Variants in ENTREP2 observed in about 807,000 individuals in gnomAD.
ENTREP2 encodes endosomal transmembrane epsin interactor 2.
chr15:29,413,671 C>G, the ENTREP2 span, among the ~76,000 whole-genome samples: 1 of 152,136 alleles, frequency 6.6e-6, no homozygotes, highest in African/African-American at 2.4e-5. Context: ...ACTCTCTTCC[C>G]CTCTTCCTAC....
chr15:29,411,818 C>T, the ENTREP2 span, among the ~76,000 whole-genome samples: 1 of 152,312 alleles, frequency 6.6e-6, no homozygotes, highest in Non-Finnish European at 1.5e-5. Flanking sequence ...GACACTGATT[C>T]TCTTGCATGG....
the ENTREP2 span, among the ~76,000 whole-genome samples, chr15:29,224,067 C>T: frequency 6.6e-6 from 1 of 152,318 alleles, no homozygotes; most frequent in South Asian, 2.1e-4. Context: ...TGTTACAGTT[C>T]TTAAAGACAC....
the ENTREP2 span, among the ~76,000 whole-genome samples, chr15:29,556,056 C>A: frequency 6.6e-6 from 1 of 152,258 alleles, no homozygotes; most frequent in Non-Finnish European, 1.5e-5. Flanking sequence ...GAGTTTGAGA[C>A]CAGTCTGGGC....
At chr15:29,438,936 C>T in the ENTREP2 span, among the ~76,000 whole-genome samples, 1 of 152,062 alleles carries the variant, frequency 6.6e-6, no homozygotes, top group Non-Finnish European at 1.5e-5. Flanking sequence ...GGAACTTAAC[C>T]ATGTACATGT....
At chr15:29,660,564 T>A in the ENTREP2 span, among the ~76,000 whole-genome samples, 1 of 152,248 alleles carries the variant, frequency 6.6e-6, no homozygotes, top group Non-Finnish European at 1.5e-5. Flanking sequence ...GTGTATCTTT[T>A]GGGTTTCGAA....
At chr15:29,174,712 A>C in the ENTREP2 span, among the ~76,000 whole-genome samples, 1,214 of 148,998 alleles carry the variant, frequency 8.1e-3, 38 homozygotes, top group African/African-American at 0.02. Flanking sequence ...CAAAACAACA[A>C]AAAAAAAAAA....
the ENTREP2 span, among the ~76,000 whole-genome samples, chr15:29,551,556 T>C: frequency 1.3e-5 from 2 of 152,186 alleles, no homozygotes; most frequent in African/African-American, 4.8e-5. Flanking sequence ...CTGTGCATCA[T>C]AAGATACCAG....
chr15:29,647,864 G>A, the ENTREP2 span, among the ~76,000 whole-genome samples: 1 of 152,088 alleles, frequency 6.6e-6, no homozygotes, highest in Non-Finnish European at 1.5e-5. Context: ...CATGATTTAG[G>A]AGGTGACCTC....
chr15:29,586,987 A>G, the ENTREP2 span, among the ~76,000 whole-genome samples: 1 of 152,178 alleles, frequency 6.6e-6, no homozygotes, highest in Non-Finnish European at 1.5e-5. Flanking sequence ...ATATTCTATC[A>G]TCCCTTGTGT....
the ENTREP2 span, among the ~76,000 whole-genome samples, chr15:29,657,160 G>GCCT: frequency 6.6e-6 from 1 of 151,780 alleles, no homozygotes; most frequent in South Asian, 2.1e-4. Context: ...CCATTCTCCT[G>GCCT]CCTCCTCCTC....
At chr15:29,526,718 C>G in the ENTREP2 span, among the ~76,000 whole-genome samples, 3 of 152,152 alleles carry the variant, frequency 2.0e-5, no homozygotes, top group East Asian at 5.8e-4. Flanking sequence ...AATCCTCCCG[C>G]CTCAGCCTCC....
At chr15:29,442,889 G>A in the ENTREP2 span, among the ~76,000 whole-genome samples, 1 of 152,152 alleles carries the variant, frequency 6.6e-6, no homozygotes, top group African/African-American at 2.4e-5. Context: ...ACATAACAAA[G>A]CCTCCCTTAG....
chr15:29,258,163 A>G, the ENTREP2 span, among the ~76,000 whole-genome samples: 3 of 146,610 alleles, frequency 2.0e-5, no homozygotes, highest in Non-Finnish European at 4.5e-5. Context: ...CAGGGAGCCG[A>G]GATTGCACCA....
chr15:29,465,333 G>A, the ENTREP2 span, among the ~76,000 whole-genome samples: 1 of 152,140 alleles, frequency 6.6e-6, no homozygotes, highest in Non-Finnish European at 1.5e-5. Flanking sequence ...TCTCCAGGAA[G>A]AGCCAGGCAA....
chr15:29,571,173 G>A, the ENTREP2 span, among the ~76,000 whole-genome samples: 1 of 151,916 alleles, frequency 6.6e-6, no homozygotes, highest in African/African-American at 2.4e-5. Context: ...GTGCGGTCCT[G>A]GCGTCCCAGC....
the ENTREP2 span, chr15:29,196,404 G>A: frequency 6.5e-7 from 1 of 1,547,704 alleles, no homozygotes; most frequent in African/African-American, 1.4e-5. Flanking sequence ...TGAAATGCAT[G>A]CACAAGCAGC....
chr15:29,241,327 A>G, the ENTREP2 span, among the ~76,000 whole-genome samples: 1 of 152,236 alleles, frequency 6.6e-6, no homozygotes. Flanking sequence ...GAGTAGGGAA[A>G]ACATTGCAGA....
the ENTREP2 span, among the ~76,000 whole-genome samples, chr15:29,479,666 TAC>T: frequency 1.5e-5 from 2 of 131,664 alleles, no homozygotes; most frequent in African/African-American, 3.2e-5. Context: ...CACACACACA[TAC>T]ACACACACAC....
chr15:29,518,006 G>C, the ENTREP2 span, among the ~76,000 whole-genome samples: 1 of 152,172 alleles, frequency 6.6e-6, no homozygotes, highest in Non-Finnish European at 1.5e-5. Flanking sequence ...GGAGGCTGAG[G>C]CAGGAGGATG....
Sources: allele counts gnomAD v4.1 joint callset (sites outside exome capture counted in the v4.1 genomes callset), GRCh38; gene constraint gnomAD v4.1.1; transcripts MANE v1.5; gene names NCBI Gene and HGNC (gene_info 2026-07-23, HGNC 2026-07-21).